Variants in RALYL observed in about 807,000 individuals in gnomAD.
RALYL encodes the protein RNA-binding Raly-like protein.
Under a neutral mutation model 35.1 loss-of-function variants are expected in RALYL, and 29 were observed. That is an observed-to-expected ratio of 0.83 (90% confidence interval 0.61 to 1.13). The LOEUF (loss-of-function observed/expected upper bound fraction) is 1.13, where lower values mean the gene tolerates loss of function less well. Ranked by LOEUF, RALYL falls within the 50% of genes most tolerant of loss-of-function variation. The pLI is 0.00. For missense variants in RALYL, 359 were observed against 360.4 expected (o/e 1.00, Z 0.03); for synonymous variants, 120 against 127.6 (o/e 0.94, Z 0.40).
intron 1 of RALYL, among the ~76,000 whole-genome samples, chr8:84,371,434 C>T (rs1056378089): frequency 1.3e-5 from 2 of 151,880 alleles, no homozygotes; most frequent in Non-Finnish European, 2.9e-5. Context: ...TGTATTTCTG[C>T]ATTGAATTCC....
At chr8:84,659,425 G>A (rs1441359800) in intron 2 of RALYL, among the ~76,000 whole-genome samples, 1 of 151,984 alleles carries the variant, frequency 6.6e-6, no homozygotes, top group Admixed American at 6.6e-5. Context: ...ATCAGATGAG[G>A]GCCACCCCTG....
At chr8:84,654,299 ATATATATATATAT>A (rs1829501747) in intron 2 of RALYL, among the ~76,000 whole-genome samples, 1 of 129,366 alleles carries the variant, frequency 7.7e-6, no homozygotes, top group Non-Finnish European at 1.7e-5. Context: ...ATATATATAT[ATATATATATATAT>A]ATCATGTACC....
At chr8:84,217,678 C>G (rs1176014608) in intron 1 of RALYL, among the ~76,000 whole-genome samples, 1 of 152,046 alleles carries the variant, frequency 6.6e-6, no homozygotes, top group Non-Finnish European at 1.5e-5. Flanking sequence ...TCAAATCCAC[C>G]TGAAAAGCAG....
chr8:84,582,421 C>T (rs2930065), intron 2 of RALYL, among the ~76,000 whole-genome samples: 45,171 of 151,678 alleles, frequency 0.3, 7,543 homozygotes, highest in African/African-American at 0.46. Flanking sequence ...ATATTGGAAA[C>T]GCTCTATCAG....
At chr8:84,481,394 A>G (rs2054024096) in intron 1 of RALYL, among the ~76,000 whole-genome samples, 1 of 152,200 alleles carries the variant, frequency 6.6e-6, no homozygotes, top group Admixed American at 6.5e-5. Context: ...CAATGGCACC[A>G]TCATAGCTCA....
At chr8:84,356,401 A>G (rs1052521032) in intron 1 of RALYL, among the ~76,000 whole-genome samples, 1 of 150,444 alleles carries the variant, frequency 6.6e-6, no homozygotes, top group African/African-American at 2.5e-5. Flanking sequence ...GGTAGTTCCA[A>G]GACGATACAC....
intron 2 of RALYL, among the ~76,000 whole-genome samples, chr8:84,709,903 A>T (rs1841881913): frequency 6.6e-6 from 1 of 152,058 alleles, no homozygotes; most frequent in Non-Finnish European, 1.5e-5. Flanking sequence ...TCTACTAAAA[A>T]TACCAAAATT....
At chr8:84,724,791 C>T (rs537475095) in intron 2 of RALYL, among the ~76,000 whole-genome samples, 1 of 151,760 alleles carries the variant, frequency 6.6e-6, no homozygotes, top group Admixed American at 6.6e-5. Context: ...AGAATTTGTG[C>T]TTAGAAATTC....
intron 1 of RALYL, among the ~76,000 whole-genome samples, chr8:84,364,019 T>C (rs553845044): frequency 2.6e-5 from 4 of 152,286 alleles, no homozygotes; most frequent in African/African-American, 9.6e-5. Context: ...CCTATTGTTC[T>C]ACAACTCAAG....
At chr8:84,674,441 T>C (rs1366834719) in intron 2 of RALYL, among the ~76,000 whole-genome samples, 2 of 152,186 alleles carry the variant, frequency 1.3e-5, no homozygotes, top group Admixed American at 1.3e-4. Context: ...AGGGCATCCT[T>C]GTCTGGTGCT....
In RALYL at chr8:84,433,392, G is replaced by T. The variant is rs182492921; in HGVS notation, c.-23-95907G>T. On this transcript the variant is annotated intron_variant, in intron 1 of 8. Transcript: ENST00000521268. ...TAGATTATAAATTCTTAGAGGGAGA[G>T]AATTATATTTTATAGTTTTGTAACA... is the stretch of plus-strand genomic sequence containing the variant. 8.5e-5 allele frequency among the ~76,000 whole-genome samples: 13 copies of T among 152,114 alleles called. No individual in the cohort carries two copies. In the East Asian group the frequency reaches 2.5e-3, roughly 29 times the overall value.
intron 1 of RALYL, among the ~76,000 whole-genome samples, chr8:84,503,589 A>T (rs1037433315): frequency 7.3e-5 from 11 of 151,544 alleles, no homozygotes; most frequent in African/African-American, 2.2e-4. Context: ...GGTGGCTCAC[A>T]CCTGTAATCC....
chr8:84,689,681 T>G (rs925264400), intron 2 of RALYL, among the ~76,000 whole-genome samples: 7 of 152,176 alleles, frequency 4.6e-5, no homozygotes, highest in African/African-American at 7.2e-5. Context: ...TGAACTAGTT[T>G]ACAGTCCCAC....
chr8:84,636,483 T>C (rs1447732918), intron 2 of RALYL, among the ~76,000 whole-genome samples: 1 of 151,784 alleles, frequency 6.6e-6, no homozygotes, highest in East Asian at 1.9e-4. Flanking sequence ...GCAACCCGAA[T>C]AGTAGCTCTC....
rs537868772 is a variant in RALYL at position 84,442,723 on chromosome 8, G to A, written c.-23-86576G>A. On this transcript the variant is annotated intron_variant, in intron 1 of 8. Transcript: ENST00000521268. ...AGCTTGGAGGCAGAGGATACTCTGC[G>A]TATTGTTTTTGTATTGGAAAGATCA... 5.3e-5 allele frequency among the ~76,000 whole-genome samples: 8 copies of A among 152,182 alleles called. No individual in the cohort carries two copies. In the South Asian group the frequency reaches 1.5e-3, roughly 28 times the overall value.
chr8:84,789,911 G>T (rs1466878048), intron 3 of RALYL, among the ~76,000 whole-genome samples: 2 of 152,094 alleles, frequency 1.3e-5, no homozygotes, highest in Non-Finnish European at 2.9e-5. Context: ...TGCAATATTT[G>T]GCATTAGAAA....
chr8:84,317,811 G>A (rs1315857328), intron 1 of RALYL, among the ~76,000 whole-genome samples: 3 of 152,108 alleles, frequency 2.0e-5, no homozygotes, highest in Non-Finnish European at 4.4e-5. Context: ...TAAAATGTAC[G>A]TTGACCTACT....
chr8:84,199,612 T>C (rs564620797), intron 1 of RALYL, among the ~76,000 whole-genome samples: 1 of 152,176 alleles, frequency 6.6e-6, no homozygotes, highest in Non-Finnish European at 1.5e-5. Context: ...TTTGTTGTAG[T>C]AGTTTCATAG....
intron 1 of RALYL, among the ~76,000 whole-genome samples, chr8:84,242,605 A>T (rs1828188427): frequency 6.6e-6 from 1 of 151,992 alleles, no homozygotes; most frequent in Admixed American, 6.6e-5. Context: ...AGGTTTTTTT[A>T]TATGTTTGTT....
Sources: allele counts gnomAD v4.1 joint callset (sites outside exome capture counted in the v4.1 genomes callset), GRCh38; gene constraint gnomAD v4.1.1; transcripts MANE v1.5; gene names NCBI Gene and HGNC (gene_info 2026-07-23, HGNC 2026-07-21).